The following GPSM1 variants were observed in gnomAD, a reference collection of about 807,000 sequenced individuals.
GPSM1 encodes the protein G protein-signaling modulator 1.
A neutral mutation model predicts 70.5 loss-of-function variants in GPSM1; 48 were observed. That is an observed-to-expected ratio of 0.68 (90% CI 0.54 to 0.87). The LOEUF is 0.87. Ranked by LOEUF, GPSM1 falls within the 40% of genes least tolerant of loss-of-function variation. The pLI, the probability that GPSM1 is intolerant of heterozygous loss-of-function variation, is 0.00. For synonymous variants in GPSM1, 416 were observed against 430.1 expected, an observed-to-expected ratio of 0.97 and a Z score of 0.41; for missense variants, 981 against 972.6, an observed-to-expected ratio of 1.01 and a Z score of -0.11.
Position 136,355,791 on chromosome 9 carries a change from T to C in GPSM1, c.1557T>C (p.Asp519=). Residue 519 remains aspartate, a synonymous_variant, in exon 12 of 14, where the codon GAT becomes GAC. Transcript: ENST00000440944. ...RMDDQRCPLD[D]GQAGAAEATA... ...ACGACCAGCGTTGTCCCCTGGACGA[T>C]GGCCAGGCCGGGGCTGCCGAGGCCA... is the stretch of plus-strand genomic sequence containing the variant. 1.2e-6 allele frequency: 2 copies of C among 1,611,852 alleles called. No individual in the cohort carries two copies. The highest frequency in any genetic ancestry group is 1.1e-5 in the South Asian group (1 of 91,032).
intron 13 of GPSM1, among the ~76,000 whole-genome samples, chr9:136,356,766 A>G (rs1328453577): frequency 6.6e-6 from 1 of 152,134 alleles, no homozygotes; most frequent in Non-Finnish European, 1.5e-5. Flanking sequence ...TGGAGACACC[A>G]GAGACCCCCC....
Position 136,340,876 on chromosome 9 carries a change from G to T in GPSM1, c.1090G>T (p.Asp364Tyr), listed in dbSNP as rs1554770098. Residue 364 changes from aspartate (D) to tyrosine (Y), a missense_variant, in exon 9 of 14, where the codon GAC becomes TAC. Coordinates refer to ENST00000440944, the MANE Select transcript of GPSM1 (RefSeq NM_001145638.3). This position sits in a 1 kb window ranked among gnomAD's most constrained non-coding sequence, Gnocchi z 7.3. ...GCCACCCCACTCGCCGCAGATCGGG[G>T]ACCGCCATGGGGAGCTCACGGCCCG... ...KHLQISQEIG[D>Y]RHGELTARMN... 1.3e-6 allele frequency: 2 copies of T among 1,572,602 alleles called. No homozygotes were observed. Among genetic ancestry groups the T allele is most frequent in the South Asian group, 1.2e-5 (1 of 85,890 alleles).
intron 9 of GPSM1, 43 bp from the exon 10 acceptor site, chr9:136,348,654 G>T (rs782513058): frequency 6.7e-7 from 1 of 1,483,822 alleles, no homozygotes. Context: ...CCAATGCGAG[G>T]TGCCAGGGTG....
intron 1 of GPSM1, among the ~76,000 whole-genome samples, chr9:136,331,290 G>A (rs1339694136): frequency 1.3e-5 from 2 of 151,358 alleles, no homozygotes; most frequent in Admixed American, 1.3e-4. Context: ...GGCCCTGTTC[G>A]CACCTTGGCC....
At chr9:136,334,918 C>G (rs1011374607) in intron 2 of GPSM1, among the ~76,000 whole-genome samples, 3 of 152,180 alleles carry the variant, frequency 2.0e-5, no homozygotes, top group Non-Finnish European at 1.5e-5. Context: ...CGCTTCCTGT[C>G]CTCAGCAGTT....
chr9:136,335,361 G>C (rs1460356062), intron 2 of GPSM1, among the ~76,000 whole-genome samples: 1 of 152,102 alleles, frequency 6.6e-6, no homozygotes, highest in African/African-American at 2.4e-5. Flanking sequence ...TGGGGTCTTG[G>C]GGTCTCCAGT....
chr9:136,336,798 C>A, intron 3 of GPSM1, 123 bp from the exon 4 acceptor site: 1 of 968,538 alleles, frequency 1.0e-6, no homozygotes, highest in Non-Finnish European at 1.5e-6. Flanking sequence ...GTCTGTGACT[C>A]AGTGGGAGCC....
Position 136,335,986 on chromosome 9 carries a change from G to T in GPSM1, c.311G>T (p.Gly104Val), listed in dbSNP as rs880003197. Residue 104 changes from glycine (G) to valine (V), a missense_variant, in exon 3 of 14, where the codon GGG becomes GTG. Physicochemically the swap from Gly to Val is moderately radical, Grantham distance 109. Transcript: ENST00000440944. ...TCCAGGACCATCGGTGACCGCATGG[G>T]GGAGGCCAAGGCCAGTGGAAACCTG... ...LLARTIGDRM[G>V]EAKASGNLGN... 1 of 1,612,532 alleles carries T rather than the reference G, an allele frequency of 6.2e-7. No homozygotes were observed. Among genetic ancestry groups the T allele is most frequent in the Non-Finnish European group, 8.5e-7 (1 of 1,179,874 alleles).
chr9:136,358,346 C>A lies in GPSM1; in HGVS notation c.*126C>A. 1.1e-6 allele frequency: 1 copy of A among 871,798 alleles called. No homozygotes were observed. The highest frequency in any genetic ancestry group is 2.8e-5 in the East Asian group (1 of 35,994). The allele number at this position is 871,798 out of a possible 1,614,324, so 54.0% of individuals were successfully genotyped here. On this transcript the variant is annotated 3_prime_UTR_variant, in exon 14 of 14. Coordinates refer to ENST00000440944, the MANE Select transcript of GPSM1 (RefSeq NM_001145638.3). ...TGGGCATGCAGCCCCACGGCCTCCC[C>A]GACCCAGGGCGACAGGCTCAGGCCA... is the stretch of plus-strand genomic sequence containing the variant.
In GPSM1 at chr9:136,336,947, C is replaced by T; in HGVS notation, c.453C>T (p.Asn151=). 1.3e-6 allele frequency: 2 copies of T among 1,557,568 alleles called. No homozygotes were observed. Among genetic ancestry groups the T allele is most frequent in the Non-Finnish European group, 1.7e-6 (2 of 1,151,310 alleles). Residue 151 remains asparagine (N), a synonymous_variant, in exon 4 of 14, where the codon AAC becomes AAT. Transcript: ENST00000440944. ...DKVGEARALY[N]IGNVYHAKGK... ...TTGGGGAGGCGAGGGCCCTCTACAA[C>T]ATCGGGAACGTGTACCACGCCAAAG... is the stretch of plus-strand genomic sequence containing the variant.
chr9:136,330,083 T>C (rs1832067235), intron 1 of GPSM1, among the ~76,000 whole-genome samples: 1 of 152,042 alleles, frequency 6.6e-6, no homozygotes, highest in East Asian at 1.9e-4. Context: ...AGAGCAGGGC[T>C]TTGGGGTGAA....
rs1554770380 is a variant in GPSM1 at position 136,341,839 on chromosome 9, T to C, written c.1207+846T>C. The stretch of plus-strand genomic sequence containing the variant: ...TAATAATTAAATGTTTTTATAGAGA[T>C]AGGGCCTCACTATGTTGCCCAGGCC... On this transcript the variant is annotated intron_variant, in intron 9 of 13. Transcript: ENST00000440944. The surrounding 1 kb of genome is among the most constrained non-coding windows in gnomAD (Gnocchi z 6.7). 2.2e-6 allele frequency: 2 copies of C among 919,618 alleles called. No individual in the cohort carries two copies. The highest frequency in any genetic ancestry group is 3.6e-5 in the African/African-American group (2 of 55,966). 57.0% of individuals were successfully genotyped at this position (919,618 alleles called of 1,614,324 possible).
intron 1 of GPSM1, among the ~76,000 whole-genome samples, chr9:136,333,980 A>G (rs1435668353): frequency 1.4e-5 from 2 of 142,696 alleles, no homozygotes; most frequent in Admixed American, 6.9e-5. Flanking sequence ...ACAAGCCCCC[A>G]CTACCGTCTG....
At position 136,333,460 on chromosome 9, in the gene GPSM1, C is replaced by G. The variant is rs573304337; in HGVS notation, c.69-987C>G. Among the ~76,000 whole-genome samples, 467 of 151,970 alleles carry G rather than the reference C, an allele frequency of 3.1e-3. 2 individuals carry two copies. The highest frequency in any genetic ancestry group is 4.9e-3 in the Non-Finnish European group (335 of 68,032). ...CGGCAGCTGAGTGCCAAGGGCAGCTCCCCAAGGCCCAGGGTGGGGGTCCCT... is the reference window on the plus strand; with the variant it reads ...CGGCAGCTGAGTGCCAAGGGCAGCTGCCCAAGGCCCAGGGTGGGGGTCCCT... On this transcript the variant is annotated intron_variant, in intron 1 of 13. Coordinates refer to ENST00000440944, the MANE Select transcript of GPSM1 (RefSeq NM_001145638.3).
Position 136,340,821 on chromosome 9 carries a change from G to A in GPSM1, c.1084-49G>A. 6.6e-7 allele frequency: 1 copy of A among 1,521,162 alleles called. No individual in the cohort carries two copies. Among genetic ancestry groups the A allele is most frequent in the Non-Finnish European group, 8.8e-7 (1 of 1,138,680 alleles). The allele number at this position is 1,521,162 out of a possible 1,614,324, so 94.2% of individuals were successfully genotyped here. On this transcript the variant is annotated intron_variant, in intron 8 of 13. Transcript: ENST00000440944. The surrounding 1 kb of genome is among the most constrained non-coding windows in gnomAD (Gnocchi z 7.3). ...CATTAAGGTCCCCTTGGAGCCCACA[G>A]CAGGGCCCCCAGCCACACCTGCCCG... is the stretch of plus-strand genomic sequence containing the variant.
Position 136,343,031 on chromosome 9 carries a change from C to G in GPSM1, c.1207+2038C>G, listed in dbSNP as rs577553193. Reference sequence around the variant, plus strand: ...TTACGTGCGGCTGGAGGACAAAGAGCCTTGGCGCGGCTCAGTCAGCGTATT... The same window carrying G: ...TTACGTGCGGCTGGAGGACAAAGAGGCTTGGCGCGGCTCAGTCAGCGTATT... On this transcript the variant is annotated intron_variant, in intron 9 of 13. Coordinates refer to ENST00000440944, the MANE Select transcript of GPSM1 (RefSeq NM_001145638.3). The surrounding 1 kb of genome is among the most constrained non-coding windows in gnomAD (Gnocchi z 6.0). Among the ~76,000 whole-genome samples the G allele has an allele frequency of 6.6e-6, 1 of 152,252 alleles. No individual in the cohort carries two copies. Among genetic ancestry groups the G allele is most frequent in the South Asian group, 2.1e-4 (1 of 4,830 alleles).
intron 12 of GPSM1, 79 bp downstream of exon 12, chr9:136,355,925 TGA>T: frequency 9.4e-6 from 12 of 1,272,654 alleles, no homozygotes; most frequent in Non-Finnish European, 1.3e-5. Flanking sequence ...CTGCTTCCAG[TGA>T]GGAGTTTTCG....
intron 1 of GPSM1, among the ~76,000 whole-genome samples, chr9:136,334,220 A>G (rs1482934753): frequency 6.6e-6 from 1 of 152,160 alleles, no homozygotes; most frequent in Non-Finnish European, 1.5e-5. Flanking sequence ...TTGGCCGCAC[A>G]AGGGGTGGAC....
chr9:136,356,452 G>A lies in GPSM1; in HGVS notation c.1723G>A (p.Gly575Arg). The A allele has an allele frequency of 6.2e-7, 1 of 1,611,528 alleles. No individual in the cohort carries two copies. Among genetic ancestry groups the A allele is most frequent in the Non-Finnish European group, 8.5e-7 (1 of 1,179,072 alleles). The stretch of plus-strand genomic sequence containing the variant: ...GCGGGCCAGCGTGGGCAGCCTGCCG[G>A]GGCTGCGAATCACCCACAGCAATGC... ...DQRASVGSLP[G>R]LRITHSNAGH... The change falls in exon 13 of 14, where the codon GGG becomes AGG. Residue 575 changes from glycine to arginine, a missense_variant. Physicochemically the swap from Gly to Arg is moderately radical, Grantham distance 125. Coordinates refer to ENST00000440944, the MANE Select transcript of GPSM1 (RefSeq NM_001145638.3).
Sources: allele counts gnomAD v4.1 joint callset (sites outside exome capture counted in the v4.1 genomes callset), GRCh38; gene constraint gnomAD v4.1.1; non-coding constraint Gnocchi (gnomAD v3.1); transcripts MANE v1.5; gene names NCBI Gene and HGNC (gene_info 2026-07-23, HGNC 2026-07-21).